ACTR3C: variants seen among roughly 807,000 people sequenced by gnomAD.
ACTR3C encodes actin related protein 3C.
Under a neutral mutation model 26.3 loss-of-function variants are expected in ACTR3C, and 18 were observed. The observed-to-expected ratio is 0.68, with a 90% confidence interval of 0.47 to 1.01. ACTR3C has a LOEUF of 1.01. Among genes scored for constraint, ACTR3C ranks in the 50% least tolerant of loss-of-function variants. ACTR3C has a pLI of 0.00. For synonymous variants in ACTR3C, 55 were observed against 94.5 expected (o/e 0.58, Z 2.42); for missense variants, 184 against 250.7 (o/e 0.73, Z 1.80).
chr7:149,972,596 C>T, the ACTR3C span, among the ~76,000 whole-genome samples: 25 of 152,210 alleles, frequency 1.6e-4, no homozygotes, highest in African/African-American at 5.8e-4. Flanking sequence ...CCGCTCTCCA[C>T]CCATTTGGCT....
chr7:150,263,343 C>T (rs536718110), intron 6 of ACTR3C, among the ~76,000 whole-genome samples: 9 of 152,394 alleles, frequency 5.9e-5, no homozygotes, highest in South Asian at 2.1e-4. Context: ...ATCTAATCAT[C>T]GTTTCTGTCT....
At chr7:150,012,223 C>T in the ACTR3C span, among the ~76,000 whole-genome samples, 2 of 151,670 alleles carry the variant, frequency 1.3e-5, no homozygotes, top group Admixed American at 1.3e-4. Flanking sequence ...TTTATTCTTT[C>T]CCTTTCTTAC....
At chr7:150,152,520 T>A in the ACTR3C span, among the ~76,000 whole-genome samples, 1 of 152,214 alleles carries the variant, frequency 6.6e-6, no homozygotes, top group Non-Finnish European at 1.5e-5. Context: ...AGCTTTTTGA[T>A]GTGCTGCTGG....
chr7:149,943,660 G>A, the ACTR3C span, among the ~76,000 whole-genome samples: 1 of 152,048 alleles, frequency 6.6e-6, no homozygotes, highest in Non-Finnish European at 1.5e-5. Context: ...GCAGTGAGCC[G>A]AGATCCCGCC....
intron 6 of ACTR3C, among the ~76,000 whole-genome samples, chr7:150,261,064 A>T (rs1833601535): frequency 1.3e-5 from 2 of 152,258 alleles, no homozygotes; most frequent in Non-Finnish European, 2.9e-5. Flanking sequence ...TTGATATAAT[A>T]ACTTCTGTGA....
the ACTR3C span, among the ~76,000 whole-genome samples, chr7:149,928,202 C>CTT: frequency 0.1 from 14,386 of 137,890 alleles, 869 homozygotes; most frequent in East Asian, 0.21. Context: ...TTTTTCTTTT[C>CTT]TTTTTTTTTT....
At chr7:150,149,706 C>A in the ACTR3C span, among the ~76,000 whole-genome samples, 473 of 152,052 alleles carry the variant, frequency 3.1e-3, 2 homozygotes, top group African/African-American at 0.011. Context: ...TATTCCATGG[C>A]ATATGTGGAT....
the ACTR3C span, among the ~76,000 whole-genome samples, chr7:149,915,388 C>T: frequency 6.6e-6 from 1 of 152,232 alleles, no homozygotes; most frequent in African/African-American, 2.4e-5. Flanking sequence ...CTTAAGAATA[C>T]ACTACATAAC....
chr7:150,035,474 T>TCCTC, the ACTR3C span, among the ~76,000 whole-genome samples: 1 of 98,850 alleles, frequency 1.0e-5, no homozygotes, highest in African/African-American at 3.9e-5. Flanking sequence ...GCGATGGGGG[T>TCCTC]AGTAACAGCC....
At chr7:150,123,785 T>C in the ACTR3C span, among the ~76,000 whole-genome samples, 3 of 152,162 alleles carry the variant, frequency 2.0e-5, no homozygotes, top group Non-Finnish European at 4.4e-5. Flanking sequence ...TCCTGCAGCT[T>C]AGAAGAAGTA....
chr7:149,911,282 A>G, the ACTR3C span, among the ~76,000 whole-genome samples: 1 of 150,922 alleles, frequency 6.6e-6, no homozygotes, highest in African/African-American at 2.5e-5. Flanking sequence ...AATCACTAAA[A>G]TCATCAAATC....
At chr7:150,193,520 T>C in the ACTR3C span, among the ~76,000 whole-genome samples, 5 of 151,696 alleles carry the variant, frequency 3.3e-5, no homozygotes, top group Non-Finnish European at 5.9e-5. Flanking sequence ...GATCATTGAT[T>C]TAAGATCTTT....
chr7:149,946,862 A>G, the ACTR3C span, among the ~76,000 whole-genome samples: 22 of 152,252 alleles, frequency 1.4e-4, 1 homozygote, highest in South Asian at 4.6e-3. Flanking sequence ...GATGCTGGGG[A>G]AAGAAACCGC....
the ACTR3C span, among the ~76,000 whole-genome samples, chr7:149,898,054 G>A: frequency 1.3e-5 from 2 of 152,214 alleles, no homozygotes; most frequent in African/African-American, 2.4e-5. Context: ...ATTATAAACA[G>A]TGGCACACAA....
the ACTR3C span, among the ~76,000 whole-genome samples, chr7:150,087,760 T>C: frequency 6.6e-6 from 1 of 152,128 alleles, no homozygotes; most frequent in Non-Finnish European, 1.5e-5. Flanking sequence ...GTAAACTGCC[T>C]CCAGAAGAAA....
chr7:149,954,779 G>A, the ACTR3C span, among the ~76,000 whole-genome samples: 2 of 152,134 alleles, frequency 1.3e-5, no homozygotes, highest in Admixed American at 1.3e-4. Context: ...CTTTTCCTGG[G>A]AGTACGATAT....
At chr7:150,190,850 C>A in the ACTR3C span, among the ~76,000 whole-genome samples, 1 of 152,134 alleles carries the variant, frequency 6.6e-6, no homozygotes, top group Non-Finnish European at 1.5e-5. Flanking sequence ...GAAGGGGAAG[C>A]AAACACGTCC....
At chr7:150,195,107 G>A in the ACTR3C span, among the ~76,000 whole-genome samples, 1 of 138,488 alleles carries the variant, frequency 7.2e-6, no homozygotes, top group Non-Finnish European at 1.6e-5. Flanking sequence ...ATACATATAT[G>A]TATATATATA....
At chr7:150,314,486 G>A (rs968902527) in intron 1 of ACTR3C, among the ~76,000 whole-genome samples, 1 of 152,118 alleles carries the variant, frequency 6.6e-6, no homozygotes, top group African/African-American at 2.4e-5. Context: ...GGGTGGGGGC[G>A]ATGGAGCTTT....
Sources: allele counts gnomAD v4.1 joint callset (sites outside exome capture counted in the v4.1 genomes callset), GRCh38; gene constraint gnomAD v4.1.1; transcripts MANE v1.5; gene names NCBI Gene and HGNC (gene_info 2026-07-23, HGNC 2026-07-21).